GRK7: variants seen among roughly 807,000 people sequenced by gnomAD.
GRK7 encodes rhodopsin kinase GRK7.
In GRK7, 24 loss-of-function variants were observed where a neutral mutation model predicts 34.1. That is an observed-to-expected ratio of 0.70 (90% CI 0.51 to 0.99). The LOEUF (loss-of-function observed/expected upper bound fraction) is 0.99, where lower values mean the gene tolerates loss of function less well. Among genes scored for constraint, GRK7 ranks in the 50% least tolerant of loss-of-function variants. The probability of loss-of-function intolerance (pLI) is 0.00; values close to 1 mark genes in which losing one functional copy is unlikely to be tolerated. For synonymous variants in GRK7, 256 were observed against 279.4 expected (o/e 0.92, Z 0.84); for missense variants, 644 against 707.3 (o/e 0.91, Z 1.02).
chr3:141,810,129 A>C (rs1444094355), intron 5 of GRK7, among the ~76,000 whole-genome samples: 1 of 152,234 alleles, frequency 6.6e-6, no homozygotes, highest in Non-Finnish European at 1.5e-5. Context: ...TGACTTCCCC[A>C]GAAGAAACGG....
At chr3:141,753,626 C>T in the GRK7 span, among the ~76,000 whole-genome samples, 1,066 of 152,322 alleles carry the variant, frequency 7.0e-3, 9 homozygotes, top group Non-Finnish European at 0.012. Context: ...TGCTCCCCTC[C>T]TGCTGTGCAG....
At chr3:141,773,205 A>T (rs2107873618) in intron 1 of GRK7, among the ~76,000 whole-genome samples, 1 of 151,906 alleles carries the variant, frequency 6.6e-6, no homozygotes, top group South Asian at 2.1e-4. Context: ...CATATGACAG[A>T]GGTTAGTCTT....
rs2084599686 is a variant in GRK7, at chr3:141,768,314, G to C, written c.-215+2576G>C. On this transcript the variant is annotated intron_variant, in intron 1 of 5. Coordinates refer to ENST00000682958, the MANE Select transcript of GRK7 (RefSeq NM_139209.3). The stretch of plus-strand genomic sequence containing the variant: ...AGACGGAGTCTCGCTCTCTTCCCCA[G>C]GAGTGCAGTGGTGCAATCTTGGCTC... 2.7e-5 allele frequency among the ~76,000 whole-genome samples: 4 copies of C among 146,358 alleles called. No individual in the cohort carries two copies. The South Asian group carries it at 8.7e-4, about 32-fold the overall frequency.
intron 4 of GRK7, among the ~76,000 whole-genome samples, chr3:141,796,525 CT>C (rs1256745954): frequency 6.6e-6 from 1 of 152,200 alleles, no homozygotes; most frequent in African/African-American, 2.4e-5. Flanking sequence ...TGCAGCTGTG[CT>C]TTGTTCTCTG....
intron 1 of GRK7, among the ~76,000 whole-genome samples, chr3:141,773,011 C>T (rs1000850713): frequency 6.6e-6 from 1 of 151,976 alleles, no homozygotes; most frequent in African/African-American, 2.4e-5. Flanking sequence ...TGGCATATGC[C>T]TGTAATCCCA....
Position 141,817,113 on chromosome 3 carries a change from A to T in GRK7, c.*63A>T. The T allele has an allele frequency of 1.5e-6, 2 of 1,300,642 alleles. No homozygotes were observed. Among genetic ancestry groups the T allele is most frequent in the South Asian group, 2.8e-5 (2 of 71,476 alleles). The allele number at this position is 1,300,642 out of a possible 1,614,324, so 80.6% of individuals were successfully genotyped here. A position where few individuals can be genotyped will look rare whatever the true frequency, so the allele number is the denominator to read the frequency against. On this transcript the variant is annotated 3_prime_UTR_variant, in exon 6 of 6. Transcript: ENST00000682958. ...CTGACATAATCCTCGAATGTTCCAC[A>T]CGTGGAAATCTGTGGAATGAGGGCT...
intron 4 of GRK7, among the ~76,000 whole-genome samples, chr3:141,791,181 C>T (rs1191360406): frequency 1.3e-5 from 2 of 152,178 alleles, no homozygotes; most frequent in Non-Finnish European, 2.9e-5. Context: ...ACCAACTCCT[C>T]ACATTCAGAG....
the GRK7 span, among the ~76,000 whole-genome samples, chr3:141,751,842 C>G: frequency 6.8e-4 from 103 of 152,322 alleles, no homozygotes; most frequent in Admixed American, 3.6e-3. Flanking sequence ...TATTACAGAA[C>G]AGAATATTCC....
At chr3:141,766,134 G>A (rs1343451749) in intron 1 of GRK7, among the ~76,000 whole-genome samples, 3 of 111,452 alleles carry the variant, frequency 2.7e-5, no homozygotes, top group Non-Finnish European at 6.0e-5. Flanking sequence ...CCCCACCAGT[G>A]GACATTTAAC....
chr3:141,789,825 A>AC (rs2084715362), intron 4 of GRK7, among the ~76,000 whole-genome samples: 1 of 152,096 alleles, frequency 6.6e-6, no homozygotes, highest in South Asian at 2.1e-4. Flanking sequence ...GGGACCCTTT[A>AC]CAAAAAGATT....
chr3:141,792,516 A>C (rs536140419), intron 4 of GRK7, among the ~76,000 whole-genome samples: 1 of 152,308 alleles, frequency 6.6e-6, no homozygotes, highest in East Asian at 1.9e-4. Flanking sequence ...GATTTGACTT[A>C]ATATGTGAAA....
At chr3:141,793,751 AAGCAGTGGCCCCAGCC>A (rs1283433883) in intron 4 of GRK7, among the ~76,000 whole-genome samples, 2 of 152,244 alleles carry the variant, frequency 1.3e-5, no homozygotes, top group Non-Finnish European at 2.9e-5. Flanking sequence ...AGCCATCAGC[AAGCAGTGGCCCCAGCC>A]AGGCATGGCT....
In GRK7 at chr3:141,816,792, AC is replaced by A; in HGVS notation, c.1409del (p.Pro470HisfsTer46). 2 of 1,597,668 alleles carry A rather than the reference AC, an allele frequency of 1.3e-6. No homozygotes were observed. Among genetic ancestry groups the A allele is most frequent in the Non-Finnish European group, 1.7e-6 (2 of 1,170,090 alleles). The stretch of plus-strand genomic sequence containing the variant: ...CTCGCCTGGAAGCTGGCCTAATTGA[AC>A]CCCCATTTGTGCCAGACCCTTCAGT... ...FPRLEAGLIE[P>X]PFVPDPSVVY... is the part of the protein sequence containing the mutation. On this transcript the variant is annotated frameshift_variant, in exon 6 of 6. Coordinates refer to ENST00000682958, the MANE Select transcript of GRK7 (RefSeq NM_139209.3). LOFTEE classifies it high-confidence loss of function.
chr3:141,789,571 G>A (rs567013389), intron 4 of GRK7, among the ~76,000 whole-genome samples: 60 of 150,712 alleles, frequency 4.0e-4, no homozygotes, highest in Admixed American at 8.6e-4. Context: ...TCTGTCCCAC[G>A]TAAATCTCAT....
rs1310441062 is a variant in GRK7, at chr3:141,765,062, C to T, written c.-891C>T. ...AAAATGTCCATCTGATTGTTGAAAA[C>T]TTCCAGTGGCTTTCCATCTCACTCA... On this transcript the variant is annotated 5_prime_UTR_variant, in exon 1 of 6. Coordinates refer to ENST00000682958, the MANE Select transcript of GRK7 (RefSeq NM_139209.3). 2.6e-5 allele frequency among the ~76,000 whole-genome samples: 4 copies of T among 152,228 alleles called. No homozygotes were observed. The highest frequency in any genetic ancestry group is 4.4e-5 in the Non-Finnish European group (3 of 68,042).
At chr3:141,796,392 C>T (rs1369041599) in intron 4 of GRK7, among the ~76,000 whole-genome samples, 1 of 152,228 alleles carries the variant, frequency 6.6e-6, no homozygotes, top group Non-Finnish European at 1.5e-5. Context: ...AGCCGAGGGT[C>T]AGCCACTTGG....
chr3:141,793,421 G>C (rs956696285), intron 4 of GRK7, among the ~76,000 whole-genome samples: 1 of 152,214 alleles, frequency 6.6e-6, no homozygotes, highest in African/African-American at 2.4e-5. Context: ...TTTGTGTTTT[G>C]AGAGTATTGT....
At chr3:141,756,012 A>T in the GRK7 span, among the ~76,000 whole-genome samples, 1 of 93,132 alleles carries the variant, frequency 1.1e-5, no homozygotes, top group Non-Finnish European at 2.3e-5. Flanking sequence ...GCAGTTTAAA[A>T]AAAAAAAAAA....
chr3:141,808,961 AG>A (rs1711064320), intron 5 of GRK7, among the ~76,000 whole-genome samples: 1 of 151,704 alleles, frequency 6.6e-6, no homozygotes, highest in African/African-American at 2.4e-5. Context: ...GCACTTTGGG[AG>A]GTTGAGGTGG....
Sources: gnomAD v4.1 joint callset for allele counts (sites outside exome capture counted in the v4.1 genomes callset) on GRCh38, gnomAD v4.1.1 for gene constraint, MANE v1.5 for transcripts, NCBI Gene and HGNC (gene_info 2026-07-23, HGNC 2026-07-21) for gene names.